LDB2: variants seen among roughly 807,000 people sequenced by gnomAD.
The protein encoded by LDB2 is LIM domain binding 2, also known as LIM domain-binding protein 2.
A neutral mutation model predicts 44.3 loss-of-function variants in LDB2; 12 were observed. The ratio of observed to expected loss-of-function variants is 0.27; its 90% CI spans 0.17 to 0.44. The LOEUF is 0.44. Among genes scored for constraint, LDB2 ranks in the 20% least tolerant of loss-of-function variants. The probability of loss-of-function intolerance (pLI) is 1.00; values close to 1 mark genes in which losing one functional copy is unlikely to be tolerated. For synonymous variants in LDB2, 164 were observed against 174.8 expected, an observed-to-expected ratio of 0.94 and a Z score of 0.49; for missense variants, 344 against 473.5, an observed-to-expected ratio of 0.73 and a Z score of 2.54.
chr4:16,690,686 C>T (rs559689122), intron 2 of LDB2, among the ~76,000 whole-genome samples: 119 of 152,100 alleles, frequency 7.8e-4, no homozygotes, highest in Non-Finnish European at 1.3e-3. Context: ...AACCCTCAGG[C>T]TCAACAGAGC....
intron 1 of LDB2, among the ~76,000 whole-genome samples, chr4:16,802,958 C>T (rs1778127055): frequency 6.6e-6 from 1 of 152,208 alleles, no homozygotes; most frequent in Non-Finnish European, 1.5e-5. Flanking sequence ...TCAGGACATT[C>T]AGGGGGCTGT....
chr4:16,570,173 G>A (rs1176658268), intron 5 of LDB2, among the ~76,000 whole-genome samples: 1 of 152,056 alleles, frequency 6.6e-6, no homozygotes, highest in Non-Finnish European at 1.5e-5. Flanking sequence ...CTTTCAAAAA[G>A]TTTACATCGG....
chr4:16,842,445 C>A (rs934618231), intron 1 of LDB2, among the ~76,000 whole-genome samples: 3 of 152,088 alleles, frequency 2.0e-5, no homozygotes, highest in African/African-American at 7.2e-5. Context: ...AAAATCCATG[C>A]TCTAAACAGT....
At chr4:16,706,656 T>C (rs932240886) in intron 2 of LDB2, among the ~76,000 whole-genome samples, 4 of 152,194 alleles carry the variant, frequency 2.6e-5, no homozygotes, top group East Asian at 3.9e-4. Flanking sequence ...AGTGTTTGCA[T>C]TGATAGAAAC....
At chr4:16,626,063 C>T (rs1280629512) in intron 2 of LDB2, among the ~76,000 whole-genome samples, 1 of 152,164 alleles carries the variant, frequency 6.6e-6, no homozygotes. Flanking sequence ...TTTGATTGAA[C>T]CATGGCTTTG....
intron 5 of LDB2, among the ~76,000 whole-genome samples, chr4:16,570,287 C>A (rs1745957045): frequency 6.6e-6 from 1 of 150,962 alleles, no homozygotes. Flanking sequence ...CACGGTGAAA[C>A]CCCATCTCTA....
At chr4:16,831,823 T>C (rs1784119695) in intron 1 of LDB2, among the ~76,000 whole-genome samples, 1 of 152,136 alleles carries the variant, frequency 6.6e-6, no homozygotes, top group South Asian at 2.1e-4. Context: ...GCAGAAGTAG[T>C]GGGTGCATCT....
chr4:16,522,276 T>TTGTGTGTG (rs139556977), intron 5 of LDB2, among the ~76,000 whole-genome samples: 3 of 150,350 alleles, frequency 2.0e-5, no homozygotes, highest in African/African-American at 7.4e-5. Flanking sequence ...GTGTGTGTGT[T>TTGTGTGTG]TGTGTGTGTG....
At chr4:16,709,907 C>T (rs1215991652) in intron 2 of LDB2, among the ~76,000 whole-genome samples, 1 of 152,144 alleles carries the variant, frequency 6.6e-6, no homozygotes, top group Non-Finnish European at 1.5e-5. Context: ...CGCATCCATA[C>T]ACCCCTAGAG....
chr4:16,742,140 C>T (rs1763410016), intron 2 of LDB2, among the ~76,000 whole-genome samples: 1 of 143,476 alleles, frequency 7.0e-6, no homozygotes, highest in African/African-American at 2.6e-5. Context: ...GGCACAATCT[C>T]GGCTCACTGC....
At chr4:16,625,122 C>T (rs1729932442) in intron 2 of LDB2, among the ~76,000 whole-genome samples, 1 of 152,112 alleles carries the variant, frequency 6.6e-6, no homozygotes, top group African/African-American at 2.4e-5. Flanking sequence ...CCCCTGCATC[C>T]TCATGCTATT....
At chr4:16,754,525 ATTTT>A (rs1237200033) in intron 2 of LDB2, among the ~76,000 whole-genome samples, 2 of 140,936 alleles carry the variant, frequency 1.4e-5, no homozygotes, top group African/African-American at 2.6e-5. Flanking sequence ...TGATGGCAGT[ATTTT>A]TTTTTTTTTT....
At chr4:16,788,974 T>C (rs764765137) in intron 1 of LDB2, among the ~76,000 whole-genome samples, 2 of 152,138 alleles carry the variant, frequency 1.3e-5, no homozygotes, top group Admixed American at 6.5e-5. Flanking sequence ...TTGGAATGCA[T>C]GCTATGGGGT....
chr4:16,820,656 T>C (rs1356561460), intron 1 of LDB2, among the ~76,000 whole-genome samples: 1 of 152,206 alleles, frequency 6.6e-6, no homozygotes, highest in African/African-American at 2.4e-5. Flanking sequence ...AAGAAGCTCA[T>C]GTGTACCACG....
intron 1 of LDB2, among the ~76,000 whole-genome samples, chr4:16,786,191 A>T (rs928831577): frequency 6.6e-6 from 1 of 152,226 alleles, no homozygotes; most frequent in Non-Finnish European, 1.5e-5. Flanking sequence ...TCTGTAACTC[A>T]TAAGTCAGCC....
chr4:16,567,385 CGCGTGTGTGCATGCGT>C (rs1744896169), intron 5 of LDB2, among the ~76,000 whole-genome samples: 7 of 151,040 alleles, frequency 4.6e-5, no homozygotes, highest in African/African-American at 1.7e-4. Flanking sequence ...TGTGTGTGTG[CGCGTGTGTGCATGCGT>C]GTGTGTGCAT....
chr4:16,809,630 T>A (rs1378992984), intron 1 of LDB2, among the ~76,000 whole-genome samples: 1 of 152,160 alleles, frequency 6.6e-6, no homozygotes, highest in Non-Finnish European at 1.5e-5. Flanking sequence ...TCAGTGCTTC[T>A]AGGCATACAG....
At chr4:16,565,324 G>A (rs554407883) in intron 5 of LDB2, among the ~76,000 whole-genome samples, 1 of 152,218 alleles carries the variant, frequency 6.6e-6, no homozygotes, top group East Asian at 1.9e-4. Context: ...AGCATCAGTT[G>A]CACTGAATAA....
intron 2 of LDB2, among the ~76,000 whole-genome samples, chr4:16,613,569 G>A (rs561015994): frequency 6.6e-6 from 1 of 152,112 alleles, no homozygotes; most frequent in Non-Finnish European, 1.5e-5. Context: ...CTTCAGCAAA[G>A]TCTCAGGATA....
Sources: allele counts gnomAD v4.1 joint callset (sites outside exome capture counted in the v4.1 genomes callset), GRCh38; gene constraint gnomAD v4.1.1; transcripts MANE v1.5; gene names NCBI Gene and HGNC (gene_info 2026-07-23, HGNC 2026-07-21).